The following AEBP2 variants were observed in gnomAD, a reference collection of about 807,000 sequenced individuals.
The protein encoded by AEBP2 is AE binding protein 2.
In AEBP2, 10 loss-of-function variants were observed where a neutral mutation model predicts 50.8. The observed-to-expected ratio is 0.20, with a 90% CI of 0.12 to 0.33. AEBP2 has a LOEUF of 0.33. Among genes scored for constraint, AEBP2 ranks in the 10% least tolerant of loss-of-function variants. The pLI, the probability that AEBP2 is intolerant of heterozygous loss-of-function variation, is 1.00. For synonymous variants in AEBP2, 296 were observed against 261.3 expected (o/e 1.13, Z -1.28); for missense variants, 570 against 688.0 (o/e 0.83, Z 1.92).
At chr12:19,405,968 GT>G (rs35045932) in intron 1 of AEBP2, among the ~76,000 whole-genome samples, 98,978 of 129,658 alleles carry the variant, frequency 0.76, 37,036 homozygotes, top group African/African-American at 0.84. Context: ...TGCCTGGCCA[GT>G]TTTTTTTTTT....
At chr12:19,462,360 G>A (rs952196063) in intron 1 of AEBP2, 150 bp from the exon 2 acceptor site, 37 of 609,862 alleles carry the variant, frequency 6.1e-5, no homozygotes, top group African/African-American at 5.0e-4. Context: ...TAATTTAAAA[G>A]CATTGTTGTT....
chr12:19,486,794 C>CTTTCT (rs760912356), intron 3 of AEBP2, among the ~76,000 whole-genome samples: 5 of 151,336 alleles, frequency 3.3e-5, no homozygotes, highest in African/African-American at 1.2e-4. Flanking sequence ...ACTACCAGTC[C>CTTTCT]TTTCTTTTCT....
rs1949347076 is a variant in AEBP2 at position 19,518,192 on chromosome 12, A to T, written c.*75A>T. ...TAGTCACTGACAATGGGTTTAGGGA[A>T]AGTTGCACATTAGAGTCAACCCCTT... is the stretch of plus-strand genomic sequence containing the variant. On this transcript the variant is annotated 3_prime_UTR_variant, in exon 8 of 8. Transcript: ENST00000266508. 2 of 1,456,706 alleles carry T rather than the reference A, an allele frequency of 1.4e-6. No individual in the cohort carries two copies. The highest frequency in any genetic ancestry group is 1.8e-6 in the Non-Finnish European group (2 of 1,106,676). The allele number at this position is 1,456,706 out of a possible 1,614,324, so 90.2% of individuals were successfully genotyped here.
intron 4 of AEBP2, among the ~76,000 whole-genome samples, chr12:19,496,303 A>T (rs1050689062): frequency 2.6e-5 from 4 of 152,180 alleles, no homozygotes; most frequent in African/African-American, 7.2e-5. Flanking sequence ...CAGGCTGCGT[A>T]GGGAGAGTTG....
chr12:19,512,365 T>A, intron 5 of AEBP2, 33 bp from the exon 6 acceptor site: 1 of 1,399,914 alleles, frequency 7.1e-7, no homozygotes, highest in Non-Finnish European at 9.8e-7. Flanking sequence ...TTTTACACAT[T>A]GTTTTTATGA....
At chr12:19,452,718 G>A (rs1055780938) in intron 1 of AEBP2, among the ~76,000 whole-genome samples, 4 of 152,038 alleles carry the variant, frequency 2.6e-5, no homozygotes, top group African/African-American at 9.7e-5. Flanking sequence ...AGATATAGGG[G>A]ATTCTTAAAT....
intron 5 of AEBP2, among the ~76,000 whole-genome samples, chr12:19,510,164 C>T (rs1354074960): frequency 1.3e-5 from 2 of 152,084 alleles, no homozygotes; most frequent in African/African-American, 4.8e-5. Context: ...TTGCATTCTC[C>T]ATTTATTGGA....
intron 1 of AEBP2, among the ~76,000 whole-genome samples, chr12:19,433,696 C>T (rs1489828388): frequency 6.6e-6 from 1 of 151,358 alleles, no homozygotes; most frequent in African/African-American, 2.4e-5. Flanking sequence ...AGGAGAATCA[C>T]TTGAACCGTG....
At chr12:19,456,452 C>G (rs1321190136) in intron 1 of AEBP2, 4 of 1,442,856 alleles carry the variant, frequency 2.8e-6, no homozygotes, top group Non-Finnish European at 3.9e-6. Context: ...CACCAGAGTT[C>G]AAGAAGTTAG....
intron 4 of AEBP2, among the ~76,000 whole-genome samples, chr12:19,495,513 A>G (rs370638577): frequency 6.6e-6 from 1 of 151,564 alleles, no homozygotes; most frequent in Admixed American, 6.6e-5. Flanking sequence ...TGAGAAAAGT[A>G]AACTTTCTTA....
chr12:19,488,946 G>A (rs1326243006), intron 3 of AEBP2, among the ~76,000 whole-genome samples: 4 of 151,996 alleles, frequency 2.6e-5, no homozygotes, highest in Admixed American at 2.6e-4. Context: ...CTGCTACCAC[G>A]CCCGGCTAAT....
chr12:19,450,510 A>G (rs899749265), intron 1 of AEBP2, among the ~76,000 whole-genome samples: 1 of 143,652 alleles, frequency 7.0e-6, no homozygotes, highest in South Asian at 2.4e-4. Flanking sequence ...CTTGTGTGCT[A>G]CACTAGATAA....
chr12:19,456,505 C>T, intron 1 of AEBP2: 1 of 1,513,188 alleles, frequency 6.6e-7, no homozygotes, highest in Non-Finnish European at 9.2e-7. Flanking sequence ...TCCATCTTTT[C>T]CTTCAGCTCA....
chr12:19,505,484 T>C (rs533026427), intron 5 of AEBP2, among the ~76,000 whole-genome samples: 8 of 152,310 alleles, frequency 5.3e-5, no homozygotes, highest in African/African-American at 1.4e-4. Flanking sequence ...CAAGATAAAT[T>C]AGTAAAATTG....
intron 1 of AEBP2, chr12:19,446,004 C>T (rs372643339): frequency 2.4e-4 from 37 of 152,210 alleles, no homozygotes; most frequent in African/African-American, 8.4e-4. Flanking sequence ...GGGCCATGCT[C>T]ATTTTCTCTG....
chr12:19,504,679 G>T (rs1190980834), intron 5 of AEBP2, among the ~76,000 whole-genome samples: 1 of 152,104 alleles, frequency 6.6e-6, no homozygotes, highest in Non-Finnish European at 1.5e-5. Context: ...CTTGAGCCTG[G>T]CAGGAGAGCC....
intron 1 of AEBP2, among the ~76,000 whole-genome samples, chr12:19,448,378 G>A (rs921544496): frequency 5.9e-5 from 9 of 152,110 alleles, no homozygotes; most frequent in Non-Finnish European, 1.0e-4. Flanking sequence ...CCAGCTACTT[G>A]GGAGGCTGAG....
intron 2 of AEBP2, among the ~76,000 whole-genome samples, chr12:19,472,437 G>T (rs959465351): frequency 2.0e-5 from 3 of 152,142 alleles, no homozygotes; most frequent in African/African-American, 7.2e-5. Context: ...GTCACTGGTA[G>T]GAAGATGATA....
At chr12:19,465,918 A>T (rs971192411) in intron 2 of AEBP2, among the ~76,000 whole-genome samples, 1 of 150,206 alleles carries the variant, frequency 6.7e-6, no homozygotes, top group African/African-American at 2.5e-5. Flanking sequence ...CAGCATCTTG[A>T]GTAGCTGGGA....
Sources: allele counts gnomAD v4.1 joint callset (sites outside exome capture counted in the v4.1 genomes callset), GRCh38; gene constraint gnomAD v4.1.1; transcripts MANE v1.5; gene names NCBI Gene and HGNC (gene_info 2026-07-23, HGNC 2026-07-21).